RNF212: variants seen among roughly 807,000 people sequenced by gnomAD.
RNF212 encodes the protein probable E3 SUMO-protein ligase RNF212.
Under a neutral mutation model 34.7 loss-of-function variants are expected in RNF212, and 33 were observed. That is an observed-to-expected ratio of 0.95 (90% CI 0.72 to 1.27). The LOEUF (loss-of-function observed/expected upper bound fraction) is 1.27, where lower values mean the gene tolerates loss of function less well. Ranked by LOEUF, RNF212 falls within the 50% of genes most tolerant of loss-of-function variation. RNF212 has a pLI of 0.00. For synonymous variants in RNF212, 140 were observed against 136.1 expected (o/e 1.03, Z -0.20); for missense variants, 377 against 362.2 (o/e 1.04, Z -0.33).
In RNF212 at chr4:1,098,974, G is replaced by C. The variant is rs111661076; in HGVS notation, c.172-2135C>G. ...ATCGATCTGGTTCCATGGCCTTCTG[G>C]GTGAGGGGGACTGAGTCATTCTACA... On this transcript the variant is annotated intron_variant, in intron 2 of 9. Transcript: ENST00000433731. Among the ~76,000 whole-genome samples the C allele has an allele frequency of 1.4e-3, 218 of 152,160 alleles. 1 individual carries two copies. Among genetic ancestry groups the C allele is most frequent in the African/African-American group, 4.9e-3 (205 of 41,498 alleles).
intron 3 of RNF212, chr4:1,093,977 A>T: frequency 2.6e-6 from 4 of 1,536,008 alleles, no homozygotes; most frequent in Non-Finnish European, 3.5e-6. Context: ...GGCTGGGCAT[A>T]ACTTGAGACG....
chr4:1,073,169 CAGAA>C lies in RNF212; in HGVS notation c.595_598del (p.Phe199ValfsTer6), dbSNP rs1718714769. 2 of 1,613,856 alleles carry C rather than the reference CAGAA, an allele frequency of 1.2e-6. No individual in the cohort carries two copies. Among genetic ancestry groups the C allele is most frequent in the Non-Finnish European group, 8.5e-7 (1 of 1,179,934 alleles). ...AGACAAGGTCAACCATGGGATGAAACAGAAAGAAGCTGTTAGATGTGGCCCTGCG... is the reference window on the plus strand; with the variant it reads ...AGACAAGGTCAACCATGGGATGAAACAGAAGCTGTTAGATGTGGCCCTGCG... On this transcript the variant is annotated frameshift_variant, in exon 10 of 10. Transcript: ENST00000433731. LOFTEE classifies it low-confidence loss of function (END_TRUNC).
chr4:1,057,693 C>T (rs2065388025), intron 4 of RNF212, among the ~76,000 whole-genome samples: 1 of 152,168 alleles, frequency 6.6e-6, no homozygotes, highest in Non-Finnish European at 1.5e-5. Context: ...TGTGGTAGAA[C>T]AGCACGCAGT....
chr4:1,082,947 CA>C (rs1720589337), intron 5 of RNF212, among the ~76,000 whole-genome samples: 1 of 152,128 alleles, frequency 6.6e-6, no homozygotes, highest in African/African-American at 2.4e-5. Flanking sequence ...AGGATGATGA[CA>C]AAAACAACAA....
intron 3 of RNF212, among the ~76,000 whole-genome samples, chr4:1,091,537 G>A (rs1413274929): frequency 1.3e-5 from 2 of 152,136 alleles, no homozygotes; most frequent in African/African-American, 4.8e-5. Context: ...ACTGAAAGTC[G>A]GCGTCCTCTA....
rs2153046434 is a variant in RNF212 at position 1,085,950 on chromosome 4, G to C, written c.308C>G (p.Ser103Cys). The C allele has an allele frequency of 1.2e-6, 2 of 1,606,532 alleles. No homozygotes were observed. Among genetic ancestry groups the C allele is most frequent in the Middle Eastern group, 1.7e-4 (1 of 6,050 alleles). Residue 103 changes from serine (S) to cysteine (C), a missense_variant, in exon 5 of 10, where the codon TCT (serine) becomes TGT (cysteine). By Grantham distance (112) the Ser-to-Cys change is moderately radical. Coordinates refer to ENST00000433731, the MANE Select transcript of RNF212 (RefSeq NM_001131034.4). ...CTTCCTAAGGGATTCTTCCAACCTA[G>C]AAATCTAAACATAATTACACAACCT... ...RLLAFYREKISRLEESLRKSV... is the reference protein window; with the variant it reads ...RLLAFYREKICRLEESLRKSV...
chr4:1,101,234 C>T (rs900826291), intron 2 of RNF212: 1 of 321,040 alleles, frequency 3.1e-6, no homozygotes, highest in Non-Finnish European at 6.1e-6. Context: ...TCTACACACC[C>T]CATCTTCCTC....
Position 1,073,675 on chromosome 4 carries a change from C to A in RNF212, c.511-13G>T. 6.3e-7 allele frequency: 1 copy of A among 1,598,764 alleles called. No homozygotes were observed. The highest frequency in any genetic ancestry group is 8.6e-7 in the Non-Finnish European group (1 of 1,166,812). On this transcript the variant is annotated splice_polypyrimidine_tract_variant and intron_variant, in intron 8 of 9. Coordinates refer to ENST00000433731, the MANE Select transcript of RNF212 (RefSeq NM_001131034.4). ...CTGCTATCTCAGACTAAGAATGCAACAAGAAAACAATGGGTAAAATTCCAA... is the reference window on the plus strand; with the variant it reads ...CTGCTATCTCAGACTAAGAATGCAAAAAGAAAACAATGGGTAAAATTCCAA...
rs1724751946 is a variant in RNF212, at chr4:1,105,962, G to C, written c.171+2381C>G. 2.6e-5 allele frequency among the ~76,000 whole-genome samples: 4 copies of C among 152,346 alleles called. No individual in the cohort carries two copies. In the South Asian group the frequency reaches 8.3e-4, roughly 32 times the overall value. On this transcript the variant is annotated intron_variant, in intron 2 of 9. Coordinates refer to ENST00000433731, the MANE Select transcript of RNF212 (RefSeq NM_001131034.4). ...GCCAAGCTGGCTGCCTGGGGACCAC[G>C]AGGCGGCCAGAGGCCAGGCCACAGG...
At chr4:1,083,734 T>G (rs975863809) in intron 5 of RNF212, among the ~76,000 whole-genome samples, 1 of 152,112 alleles carries the variant, frequency 6.6e-6, no homozygotes, top group Non-Finnish European at 1.5e-5. Context: ...CAACCCAGCA[T>G]GTGACCAGGT....
chr4:1,073,541 G>T, intron 9 of RNF212, 58 bp downstream of exon 9: 1 of 1,240,866 alleles, frequency 8.1e-7, no homozygotes, highest in Non-Finnish European at 1.2e-6. Context: ...TGACCTTTCA[G>T]GGAATGCATT....
chr4:1,082,119 A>C (rs1030308256), intron 5 of RNF212, among the ~76,000 whole-genome samples: 2 of 152,146 alleles, frequency 1.3e-5, no homozygotes, highest in African/African-American at 4.8e-5. Context: ...GCAAGAACTC[A>C]TCTCAAAAAA....
upstream of RNF212, chr4:1,113,701 G>C: frequency 2.3e-6 from 1 of 426,092 alleles, no homozygotes; most frequent in Non-Finnish European, 4.2e-6. Flanking sequence ...GGAGTAGGCG[G>C]AGGAACGCAC....
chr4:1,086,102 T>A, intron 4 of RNF212, 148 bp from the exon 5 acceptor site: 1 of 677,214 alleles, frequency 1.5e-6, no homozygotes. Flanking sequence ...TGCCTGGAGT[T>A]CCGCCCATCA....
chr4:1,111,074 G>A (rs1048703087), intron 1 of RNF212, among the ~76,000 whole-genome samples: 3 of 152,128 alleles, frequency 2.0e-5, no homozygotes, highest in Non-Finnish European at 2.9e-5. Context: ...TCCTAACAAT[G>A]TTATCTTCGG....
intron 8 of RNF212, among the ~76,000 whole-genome samples, chr4:1,077,373 T>C (rs528690813): frequency 6.6e-5 from 10 of 152,296 alleles, no homozygotes; most frequent in African/African-American, 2.2e-4. Context: ...GAAGTGTCAA[T>C]CAATTTAGCC....
rs529106355 is a variant in RNF212, at chr4:1,104,758, C to T, written c.171+3585G>A. Among the ~76,000 whole-genome samples the T allele has an allele frequency of 1.5e-3, 235 of 152,272 alleles. 1 individual carries two copies. Among genetic ancestry groups the T allele is most frequent in the Non-Finnish European group, 1.9e-3 (130 of 68,010 alleles). On this transcript the variant is annotated intron_variant, in intron 2 of 9. Transcript: ENST00000433731. ...TGGGGCAGCATGTGGCCCCTTCCCT[C>T]GGGTCCCGATTTGGCCTGCAATCTA...
rs79249955 is a variant in RNF212 at position 1,061,264 on chromosome 4, G to T, written n.148-2871C>A. Among the ~76,000 whole-genome samples, 620 of 152,272 alleles carry T rather than the reference G, an allele frequency of 4.1e-3. 5 individuals are homozygous for T. Among genetic ancestry groups the T allele is most frequent in the African/African-American group, 0.014 (580 of 41,550 alleles). On this transcript the variant is annotated intron_variant and non_coding_transcript_variant, in intron 3 of 4. Coordinates refer to the RNF212 transcript ENST00000503206. Reference sequence around the variant, plus strand: ...CCAGCAAGAGCACAGCTGCACCAGGGTGGGTAGCTGAGGACCAGCAGCCTT... The same window carrying T: ...CCAGCAAGAGCACAGCTGCACCAGGTTGGGTAGCTGAGGACCAGCAGCCTT...
intron 2 of RNF212, among the ~76,000 whole-genome samples, chr4:1,106,732 GA>G (rs1001598243): frequency 3.9e-5 from 6 of 152,230 alleles, no homozygotes; most frequent in African/African-American, 1.4e-4. Context: ...GGCTTAGTGC[GA>G]GGGTACCGTG....
Sources: gnomAD v4.1 joint callset for allele counts (sites outside exome capture counted in the v4.1 genomes callset) on GRCh38, gnomAD v4.1.1 for gene constraint, MANE v1.5 for transcripts, NCBI Gene and HGNC (gene_info 2026-07-23, HGNC 2026-07-21) for gene names.